Variants in PRDM2 observed in about 807,000 individuals in gnomAD.
PRDM2 encodes the protein PR/SET domain 2.
Under a neutral mutation model 130.0 loss-of-function variants are expected in PRDM2, and 30 were observed. That is an observed-to-expected ratio of 0.23 (90% CI 0.17 to 0.31). The LOEUF (loss-of-function observed/expected upper bound fraction) is 0.31, where lower values mean the gene tolerates loss of function less well. Among genes scored for constraint, PRDM2 ranks in the 10% least tolerant of loss-of-function variants. The pLI, the probability that PRDM2 is intolerant of heterozygous loss-of-function variation, is 1.00. For missense variants in PRDM2, 2,011 were observed against 2,108.4 expected, an observed-to-expected ratio of 0.95 and a Z score of 0.90; for synonymous variants, 871 against 782.4, an observed-to-expected ratio of 1.11 and a Z score of -1.89.
chr1:13,770,243 C>A, intron 6 of PRDM2: 1 of 430,558 alleles, frequency 2.3e-6, no homozygotes, highest in Non-Finnish European at 4.6e-6. Context: ...TTTGTTTGTC[C>A]AATAAAGGAC....
intron 9 of PRDM2, among the ~76,000 whole-genome samples, chr1:13,817,160 T>A (rs562936772): frequency 8.5e-5 from 13 of 152,236 alleles, no homozygotes; most frequent in Admixed American, 4.6e-4. Context: ...GGAAATACAC[T>A]CGAAGGAAAT....
At chr1:13,723,971 G>A (rs1342904797) in intron 2 of PRDM2, among the ~76,000 whole-genome samples, 2 of 152,214 alleles carry the variant, frequency 1.3e-5, no homozygotes, top group Non-Finnish European at 2.9e-5. Context: ...ACCAGGAAGG[G>A]CTTTCACAAT....
chr1:13,786,709 G>A (rs1002316731), intron 8 of PRDM2: 12 of 1,451,006 alleles, frequency 8.3e-6, no homozygotes, highest in Non-Finnish European at 1.0e-5. Flanking sequence ...CTGCTGCTTC[G>A]GTGGGGGCCC....
chr1:13,778,848 T>C lies in PRDM2; in HGVS notation c.1053T>C (p.Asn351=). ...TCCCCAGAACTAAAGAAGAGGCCAA[T>C]GGTGATGTATTTGAAACGTTTATGT... is the stretch of plus-strand genomic sequence containing the variant. ...MQIPRTKEEA[N]GDVFETFMFP... The change falls in exon 8 of 10, where the codon AAT becomes AAC. Residue 351 remains asparagine (N), a synonymous_variant. Coordinates refer to ENST00000311066, the MANE Select transcript of PRDM2 (RefSeq NM_001393986.1). The C allele has an allele frequency of 6.2e-7, 1 of 1,614,122 alleles. No individual in the cohort carries two copies. Among genetic ancestry groups the C allele is most frequent in the Non-Finnish European group, 8.5e-7 (1 of 1,180,036 alleles).
chr1:13,789,640 T>G (rs931812370), intron 8 of PRDM2, among the ~76,000 whole-genome samples: 2 of 152,342 alleles, frequency 1.3e-5, no homozygotes, highest in African/African-American at 2.4e-5. Flanking sequence ...TATAGCTCAC[T>G]TAATGCATTT....
At chr1:13,704,353 A>G (rs1157991751) in intron 1 of PRDM2, among the ~76,000 whole-genome samples, 1 of 151,168 alleles carries the variant, frequency 6.6e-6, no homozygotes. Context: ...ATATGCTTAC[A>G]GTATTTTTCT....
At position 13,781,979 on chromosome 1, in the gene PRDM2, G is replaced by A. The variant is rs539856194; in HGVS notation, c.4184G>A (p.Arg1395Gln). 1.5e-5 allele frequency: 25 copies of A among 1,614,154 alleles called. No individual in the cohort carries two copies. The South Asian group carries it at 1.8e-4, about 11-fold the overall frequency. ...GATAACTCTGGGAAAAATGCCTTCCGACGAATGGGACAGCCCAAAAGGCTT... is the reference window on the plus strand; with the variant it reads ...GATAACTCTGGGAAAAATGCCTTCCAACGAATGGGACAGCCCAAAAGGCTT... ...VLDNSGKNAFRRMGQPKRLNF... is the reference protein window; with the variant it reads ...VLDNSGKNAFQRMGQPKRLNF... The change falls in exon 8 of 10, where the codon CGA becomes CAA. Residue 1395 changes from arginine to glutamine, a missense_variant. This residue lies in a region of PRDM2 where 229 missense variants were observed against 364.1 expected (regional missense o/e 0.63). Coordinates refer to ENST00000311066, the MANE Select transcript of PRDM2 (RefSeq NM_001393986.1). The surrounding 1 kb of genome is among the most constrained non-coding windows in gnomAD (Gnocchi z 6.1).
At chr1:13,701,522 C>A (rs1159724800) in intron 1 of PRDM2, among the ~76,000 whole-genome samples, 1 of 152,148 alleles carries the variant, frequency 6.6e-6, no homozygotes, top group Non-Finnish European at 1.5e-5. Flanking sequence ...GACACACTGT[C>A]ATACGTTCTT....
intron 7 of PRDM2, 40 bp from the exon 8 acceptor site, chr1:13,778,377 CA>C: frequency 6.5e-7 from 1 of 1,532,550 alleles, no homozygotes; most frequent in Non-Finnish European, 8.8e-7. Flanking sequence ...GCTGGTTTCC[CA>C]TGCTTCACTT....
rs565726803 is a variant in PRDM2, at chr1:13,724,208, C to CT, written c.10-6786dup. ...TAAAGTATTGGGAACTTTTCTTCTG[C>CT]TTTTTTCTCCATTCCCTGCAGGAGC... On this transcript the variant is annotated intron_variant, in intron 2 of 9. Coordinates refer to ENST00000311066, the MANE Select transcript of PRDM2 (RefSeq NM_001393986.1). Among the ~76,000 whole-genome samples, 81 of 152,274 alleles carry CT rather than the reference C, an allele frequency of 5.3e-4. No homozygotes were observed. In the South Asian group the frequency reaches 0.017, roughly 31 times the overall value.
intron 6 of PRDM2, 37 bp from the exon 7 acceptor site, chr1:13,773,041 A>T: frequency 8.2e-7 from 1 of 1,223,228 alleles, no homozygotes; most frequent in Non-Finnish European, 1.1e-6. Context: ...AAATAAAAAA[A>T]AAATGAATGA....
At chr1:13,728,109 A>G (rs1642983063) in intron 2 of PRDM2, among the ~76,000 whole-genome samples, 1 of 152,206 alleles carries the variant, frequency 6.6e-6, no homozygotes, top group Non-Finnish European at 1.5e-5. Flanking sequence ...CTGATAGATG[A>G]CCCAGCTCTT....
chr1:13,793,667 T>G (rs1644877638), intron 8 of PRDM2, among the ~76,000 whole-genome samples: 1 of 152,228 alleles, frequency 6.6e-6, no homozygotes, highest in South Asian at 2.1e-4. Flanking sequence ...TGATGTATTC[T>G]TTTCTATCTA....
At position 13,749,505 on chromosome 1, in the gene PRDM2, C is replaced by T; in HGVS notation, c.511+18C>T. On this transcript the variant is annotated intron_variant, in intron 6 of 9. Coordinates refer to ENST00000311066, the MANE Select transcript of PRDM2 (RefSeq NM_001393986.1). ...CCGGAAAGGTAGGAGCCCCCCGGCCCGCCCGCCCGGCCCCGGCGCCACGCC... is the reference window on the plus strand; with the variant it reads ...CCGGAAAGGTAGGAGCCCCCCGGCCTGCCCGCCCGGCCCCGGCGCCACGCC... 5 of 1,333,558 alleles carry T rather than the reference C, an allele frequency of 3.7e-6. No individual in the cohort carries two copies. The highest frequency in any genetic ancestry group is 4.9e-6 in the Non-Finnish European group (5 of 1,017,476). The allele number at this position is 1,333,558 out of a possible 1,614,324, so 82.6% of individuals were successfully genotyped here.
Position 13,780,514 on chromosome 1 carries a change from G to A in PRDM2, c.2719G>A (p.Ala907Thr). 2 of 1,614,202 alleles carry A rather than the reference G, an allele frequency of 1.2e-6. No homozygotes were observed. Among genetic ancestry groups the A allele is most frequent in the Non-Finnish European group, 1.7e-6 (2 of 1,180,044 alleles). The change falls in exon 8 of 10, where the codon GCA becomes ACA. Residue 907 changes from alanine (A) to threonine (T), a missense_variant. Transcript: ENST00000311066. ...CATCGATTTACCTGTAGAAAACCCT[G>A]CAGATGGGACCAGGAGCCCAAGTCC... ...NGIDLPVENP[A>T]DGTRSPSPCK...
intron 6 of PRDM2, among the ~76,000 whole-genome samples, chr1:13,766,221 T>G (rs557194152): frequency 5.9e-5 from 9 of 152,168 alleles, no homozygotes; most frequent in Non-Finnish European, 1.3e-4. Context: ...AAGCCTTTCT[T>G]CAACCTAGTG....
At chr1:13,736,640 T>C (rs1243399053) in intron 4 of PRDM2, among the ~76,000 whole-genome samples, 3 of 152,232 alleles carry the variant, frequency 2.0e-5, no homozygotes, top group Admixed American at 6.5e-5. Flanking sequence ...GTCAAAAAGT[T>C]ATATACATTT....
At chr1:13,748,659 T>C (rs1462940458) in intron 5 of PRDM2, among the ~76,000 whole-genome samples, 1 of 152,220 alleles carries the variant, frequency 6.6e-6, no homozygotes, top group Non-Finnish European at 1.5e-5. Flanking sequence ...AATTTGATGG[T>C]GGCCCTCACT....
chr1:13,749,513 C>A lies in PRDM2; in HGVS notation c.511+26C>A. 1.5e-6 allele frequency: 2 copies of A among 1,296,692 alleles called. 1 individual carries two copies. The highest frequency in any genetic ancestry group is 1.1e-4 in the East Asian group (2 of 18,826). 80.3% of individuals were successfully genotyped at this position (1,296,692 alleles called of 1,614,324 possible). A position where few individuals can be genotyped will look rare whatever the true frequency, so the allele number is the denominator to read the frequency against. On this transcript the variant is annotated intron_variant, in intron 6 of 9. Transcript: ENST00000311066. ...GTAGGAGCCCCCCGGCCCGCCCGCC[C>A]GGCCCCGGCGCCACGCCCGCCCAGG...
Sources: allele counts gnomAD v4.1 joint callset (sites outside exome capture counted in the v4.1 genomes callset), GRCh38; gene constraint gnomAD v4.1.1; regional missense constraint gnomAD v4.1.1; non-coding constraint Gnocchi (gnomAD v3.1); transcripts MANE v1.5; gene names NCBI Gene and HGNC (gene_info 2026-07-23, HGNC 2026-07-21).